Variants in RNF168 observed in about 807,000 individuals in gnomAD.
RNF168 encodes the protein E3 ubiquitin-protein ligase RNF168.
A neutral mutation model predicts 34.9 loss-of-function variants in RNF168; 34 were observed. The observed-to-expected ratio is 0.97, with a 90% confidence interval of 0.74 to 1.30. The LOEUF is 1.30. Ranked by LOEUF, RNF168 falls within the 50% of genes most tolerant of loss-of-function variation. The pLI, the probability that RNF168 is intolerant of heterozygous loss-of-function variation, is 0.00. For synonymous variants in RNF168, 264 were observed against 254.7 expected, an observed-to-expected ratio of 1.04 and a Z score of -0.35; for missense variants, 725 against 682.5, an observed-to-expected ratio of 1.06 and a Z score of -0.69.
At chr3:196,476,735 A>G (rs554173688) in intron 4 of RNF168, among the ~76,000 whole-genome samples, 12 of 149,502 alleles carry the variant, frequency 8.0e-5, no homozygotes, top group African/African-American at 2.7e-4. Context: ...CTTCTTAGAA[A>G]CACATATCTT....
rs1185087305 is a variant in RNF168 at position 196,483,898 on chromosome 3, CAATAGAAA to C, written c.559-15_559-8del. 6.2e-7 allele frequency: 1 copy of C among 1,602,422 alleles called. No individual in the cohort carries two copies. The highest frequency in any genetic ancestry group is 1.3e-5 in the African/African-American group (1 of 74,658). On this transcript the variant is annotated splice_polypyrimidine_tract_variant and splice_region_variant and intron_variant, in intron 3 of 5. Coordinates refer to ENST00000318037, the MANE Select transcript of RNF168 (RefSeq NM_152617.4). Reference sequence around the variant, plus strand: ...TTCCCTCACAGAAATTGTTCTTCAACAATAGAAAAAGCATAACAGACATTATGAGAGAG... The same window carrying C: ...TTCCCTCACAGAAATTGTTCTTCAACAAGCATAACAGACATTATGAGAGAG...
intron 1 of RNF168, among the ~76,000 whole-genome samples, chr3:196,502,657 A>G (rs1732929065): frequency 6.6e-6 from 1 of 151,946 alleles, no homozygotes; most frequent in African/African-American, 2.4e-5. Context: ...CCCATCGAAC[A>G]CAGCGCGGGC....
At chr3:196,487,206 C>T (rs1023667033) in intron 3 of RNF168, among the ~76,000 whole-genome samples, 193 bp downstream of exon 3, 52 of 152,312 alleles carry the variant, frequency 3.4e-4, no homozygotes, top group African/African-American at 1.2e-3. Context: ...TCAAAGCAAT[C>T]GGAATGTTAA....
Position 196,471,186 on chromosome 3 carries a change from A to C in RNF168, c.*633T>G. On this transcript the variant is annotated 3_prime_UTR_variant, in exon 6 of 6. Coordinates refer to ENST00000318037, the MANE Select transcript of RNF168 (RefSeq NM_152617.4). ...ACACCAGCCTGCGTGACAGAGCAAG[A>C]CTCTGTCTCCAAAAAAAAAAAAAAA... 9.2e-6 allele frequency: 1 copy of C among 108,220 alleles called. No individual in the cohort carries two copies. Among genetic ancestry groups the C allele is most frequent in the Non-Finnish European group, 1.8e-5 (1 of 57,122 alleles). The allele number at this position is 108,220 out of a possible 1,614,324, so 6.7% of individuals were successfully genotyped here. A position where few individuals can be genotyped will look rare whatever the true frequency, so the allele number is the denominator to read the frequency against.
chr3:196,488,458 G>A lies in RNF168; in HGVS notation c.378+149C>T, dbSNP rs572324385. 2.7e-4 allele frequency: 141 copies of A among 526,250 alleles called. 1 individual carries two copies. The highest frequency in any genetic ancestry group is 3.0e-4 in the Non-Finnish European group (87 of 291,254). 32.6% of individuals were successfully genotyped at this position (526,250 alleles called of 1,614,324 possible). ...GATTGCGCCACTGCACTCCAGCCTG[G>A]GTGACAGAGTGAGACTCCATCTCAA... On this transcript the variant is annotated intron_variant, in intron 2 of 5. Transcript: ENST00000318037.
chr3:196,483,905 A>G lies in RNF168; in HGVS notation c.559-14T>C. On this transcript the variant is annotated splice_polypyrimidine_tract_variant and intron_variant, in intron 3 of 5. Transcript: ENST00000318037. ...ACAGAAATTGTTCTTCAACAATAGA[A>G]AAAGCATAACAGACATTATGAGAGA... 1 of 1,594,290 alleles carries G rather than the reference A, an allele frequency of 6.3e-7. No homozygotes were observed. Among genetic ancestry groups the G allele is most frequent in the Non-Finnish European group, 8.6e-7 (1 of 1,162,194 alleles).
At chr3:196,483,641 C>A in intron 4 of RNF168, 129 bp downstream of exon 4, 1 of 799,212 alleles carries the variant, frequency 1.3e-6, no homozygotes, top group Non-Finnish European at 2.2e-6. Flanking sequence ...TTCAATTTAC[C>A]TCAACCTCAG....
chr3:196,500,764 T>C (rs1023862059), intron 1 of RNF168, among the ~76,000 whole-genome samples: 29 of 151,780 alleles, frequency 1.9e-4, no homozygotes, highest in African/African-American at 7.0e-4. Context: ...CAGGCTGGAG[T>C]GCGGTGGCGT....
At chr3:196,482,148 A>G (rs898699450) in intron 4 of RNF168, among the ~76,000 whole-genome samples, 1 of 152,016 alleles carries the variant, frequency 6.6e-6, no homozygotes, top group African/African-American at 2.4e-5. Flanking sequence ...AGCCTTCTAA[A>G]TACCACTTTA....
rs1310282360 is a variant in RNF168, at chr3:196,471,908, G to C, written c.1627C>G (p.His543Asp). 1 of 1,613,880 alleles carries C rather than the reference G, an allele frequency of 6.2e-7. No individual in the cohort carries two copies. The highest frequency in any genetic ancestry group is 1.1e-5 in the South Asian group (1 of 91,058). Reference sequence around the variant, plus strand: ...TGAGCACTTTTGGATACCTTACAGTGATCTCTAGTAGAATTTGGCATCTTT... The same window carrying C: ...TGAGCACTTTTGGATACCTTACAGTCATCTCTAGTAGAATTTGGCATCTTT... ...RRKMPNSTRD[H>D]CKVSKSAHSL... The change falls in exon 6 of 6, where the codon CAC becomes GAC. Residue 543 changes from histidine (H) to aspartate (D), a missense_variant. Transcript: ENST00000318037.
At chr3:196,491,929 G>A (rs1403613261) in intron 1 of RNF168, among the ~76,000 whole-genome samples, 1 of 152,144 alleles carries the variant, frequency 6.6e-6, no homozygotes, top group African/African-American at 2.4e-5. Flanking sequence ...GACACCTAGA[G>A]CAATTAAACC....
intron 4 of RNF168, among the ~76,000 whole-genome samples, chr3:196,477,315 A>G (rs977934930): frequency 2.6e-5 from 4 of 152,220 alleles, no homozygotes; most frequent in Admixed American, 6.5e-5. Context: ...TGGCTTTTAG[A>G]ATTAGAGAAA....
At position 196,497,254 on chromosome 3, in the gene RNF168, T is replaced by A. The variant is rs191765051; in HGVS notation, c.301+5619A>T. On this transcript the variant is annotated intron_variant, in intron 1 of 5. Transcript: ENST00000318037. ...TAGAATAGACCCACATTATTTTTTT[T>A]AAAAAGTCTTTTCAACAAAAGGTAC... is the stretch of plus-strand genomic sequence containing the variant. Among the ~76,000 whole-genome samples the A allele has an allele frequency of 4.0e-3, 605 of 152,264 alleles. 4 individuals carry two copies. The highest frequency in any genetic ancestry group is 0.012 in the African/African-American group (510 of 41,556).
chr3:196,490,553 T>TC (rs1732567831), intron 1 of RNF168, among the ~76,000 whole-genome samples: 1 of 151,758 alleles, frequency 6.6e-6, no homozygotes, highest in African/African-American at 2.4e-5. Flanking sequence ...CACTGTGCAA[T>TC]CTATACATGT....
intron 1 of RNF168, among the ~76,000 whole-genome samples, chr3:196,490,879 G>C (rs1436652860): frequency 6.6e-6 from 1 of 152,176 alleles, no homozygotes; most frequent in Non-Finnish European, 1.5e-5. Flanking sequence ...ACATATATAA[G>C]GCTCCTTAAA....
chr3:196,473,030 T>C (rs1365045577), intron 5 of RNF168, among the ~76,000 whole-genome samples: 2 of 152,108 alleles, frequency 1.3e-5, no homozygotes, highest in East Asian at 1.9e-4. Context: ...GCCTCCCAAA[T>C]AGGTGTATAT....
chr3:196,469,366 T>C lies in RNF168; in HGVS notation c.*2453A>G, dbSNP rs1009309015. 4.6e-5 allele frequency: 7 copies of C among 152,188 alleles called. No individual in the cohort carries two copies. The highest frequency in any genetic ancestry group is 8.8e-5 in the Non-Finnish European group (6 of 68,038). 9.4% of individuals were successfully genotyped at this position (152,188 alleles called of 1,614,324 possible). On this transcript the variant is annotated 3_prime_UTR_variant, in exon 6 of 6. Coordinates refer to ENST00000318037, the MANE Select transcript of RNF168 (RefSeq NM_152617.4). ...CAATCACCTTAAGAGGCAAATTAAG[T>C]TTTAAATTAGCACAGAATTTATAAT... is the stretch of plus-strand genomic sequence containing the variant.
intron 1 of RNF168, among the ~76,000 whole-genome samples, chr3:196,500,856 C>A (rs376309509): frequency 1.3e-5 from 2 of 148,310 alleles, no homozygotes; most frequent in Non-Finnish European, 3.0e-5. Context: ...GGACTACAGG[C>A]GCGTGCCAAC....
chr3:196,495,023 G>A (rs545281660), intron 1 of RNF168, among the ~76,000 whole-genome samples: 67 of 152,122 alleles, frequency 4.4e-4, no homozygotes, highest in Non-Finnish European at 8.1e-4. Context: ...ACCCTGTCTC[G>A]AAAATAAAAT....
Sources: allele counts gnomAD v4.1 joint callset (sites outside exome capture counted in the v4.1 genomes callset), GRCh38; gene constraint gnomAD v4.1.1; transcripts MANE v1.5; gene names NCBI Gene and HGNC (gene_info 2026-07-23, HGNC 2026-07-21).